CLCA1: variants seen among roughly 807,000 people sequenced by gnomAD.
The protein encoded by CLCA1 is chloride channel accessory 1, also known as calcium-activated chloride channel regulator 1.
Under a neutral mutation model 85.6 loss-of-function variants are expected in CLCA1, and 59 were observed. That is an observed-to-expected ratio of 0.69 (90% confidence interval 0.56 to 0.86). The LOEUF is 0.86. Among genes scored for constraint, CLCA1 ranks in the 40% least tolerant of loss-of-function variants. The probability of loss-of-function intolerance (pLI) is 0.00; values close to 1 mark genes in which losing one functional copy is unlikely to be tolerated. For synonymous variants in CLCA1, 396 were observed against 398.3 expected (o/e 0.99, Z 0.07); for missense variants, 1,022 against 1,101.4 (o/e 0.93, Z 1.02).
intron 3 of CLCA1, 110 bp downstream of exon 3, chr1:86,473,986 A>G: frequency 1.5e-6 from 1 of 675,370 alleles, no homozygotes. Context: ...AAACAATTAG[A>G]GATAAAACAT....
rs1374323747 is a variant in CLCA1, at chr1:86,468,978, C to A, written c.7C>A (p.Pro3Thr). ...CACAGGGAGATGTACAGCAATGGGG[C>A]CATTTAAGAGTTCTGTGTTCATCTT... MG[P>T]FKSSVFILIL... is the part of the protein sequence containing the mutation. Residue 3 changes from proline (P) to threonine (T), a missense_variant, in exon 1 of 14, where the codon CCA becomes ACA. Pro to Thr is a conservative substitution (Grantham distance 38). Transcript: ENST00000394711. The A allele has an allele frequency of 1.9e-6, 3 of 1,604,570 alleles. No homozygotes were observed. The highest frequency in any genetic ancestry group is 2.3e-5 in the South Asian group (2 of 88,712).
chr1:86,499,794 A>T lies in CLCA1; in HGVS notation c.2494A>T (p.Ile832Phe), dbSNP rs767268127. ...AGTCTTTTTGTTTAAACCAGAAAAC[A>T]TTACTTTTGAAAATGGCACAGATCT... is the stretch of plus-strand genomic sequence containing the variant. ...EEVFLFKPEN[I>F]TFENGTDLFI... The change falls in exon 14 of 14, where the codon ATT becomes TTT. Residue 832 changes from isoleucine (I) to phenylalanine (F), a missense_variant. Ile to Phe is a conservative substitution (Grantham distance 21). Coordinates refer to ENST00000394711, the MANE Select transcript of CLCA1 (RefSeq NM_001285.4). The T allele has an allele frequency of 2.5e-6, 4 of 1,614,188 alleles. No homozygotes were observed. The highest frequency in any genetic ancestry group is 2.2e-5 in the South Asian group (2 of 91,084).
Position 86,469,008 on chromosome 1 carries a change from C to A in CLCA1, c.37C>A (p.Leu13Ile), listed in dbSNP as rs750075037. 2 of 1,612,910 alleles carry A rather than the reference C, an allele frequency of 1.2e-6. No homozygotes were observed. The highest frequency in any genetic ancestry group is 1.7e-6 in the Non-Finnish European group (2 of 1,179,308). ...PFKSSVFILI[L>I]HLLEGALSNS... ...TAAGAGTTCTGTGTTCATCTTGATT[C>A]TTCACCTTCTAGAAGGGGCCCTGAG... Residue 13 changes from leucine to isoleucine, a missense_variant, in exon 1 of 14, where the codon CTT (leucine) becomes ATT (isoleucine). Physicochemically the swap from Leu to Ile is conservative, Grantham distance 5. Transcript: ENST00000394711.
At chr1:86,495,758 G>C in intron 12 of CLCA1, 83 bp downstream of exon 12, 1 of 1,268,092 alleles carries the variant, frequency 7.9e-7, no homozygotes, top group Non-Finnish European at 1.1e-6. Context: ...GGGCAGAATG[G>C]TGCATGATTA....
intron 5 of CLCA1, among the ~76,000 whole-genome samples, chr1:86,484,354 C>T (rs747177027): frequency 2.6e-5 from 4 of 152,128 alleles, no homozygotes; most frequent in African/African-American, 7.2e-5. Context: ...GAGTTTACAA[C>T]GTAGAAGACA....
At chr1:86,489,543 C>T (rs920091159) in intron 8 of CLCA1, among the ~76,000 whole-genome samples, 11 of 152,064 alleles carry the variant, frequency 7.2e-5, no homozygotes, top group Non-Finnish European at 2.9e-5. Context: ...ACAGAAAGTA[C>T]AATAAAGCAC....
intron 8 of CLCA1, among the ~76,000 whole-genome samples, chr1:86,490,926 A>G (rs1205977107): frequency 1.3e-5 from 2 of 148,284 alleles, no homozygotes. Context: ...AAAAAAATAC[A>G]AAAATTAGAC....
chr1:86,497,428 C>G (rs1230750683), intron 12 of CLCA1, among the ~76,000 whole-genome samples: 1 of 152,088 alleles, frequency 6.6e-6, no homozygotes, highest in Non-Finnish European at 1.5e-5. Flanking sequence ...CTAAGTAATG[C>G]CATGTTAGGA....
rs976170824 is a variant in CLCA1 at position 86,486,433 on chromosome 1, T to C, written c.955-93T>C. ...TAAGCTTATGGTCATTTGCTCTACATTAAGGCAGCCACTTCCAAATTCCCT... is the reference window on the plus strand; with the variant it reads ...TAAGCTTATGGTCATTTGCTCTACACTAAGGCAGCCACTTCCAAATTCCCT... On this transcript the variant is annotated intron_variant, in intron 6 of 13. Coordinates refer to ENST00000394711, the MANE Select transcript of CLCA1 (RefSeq NM_001285.4). 5 of 1,139,620 alleles carry C rather than the reference T, an allele frequency of 4.4e-6. No individual in the cohort carries two copies. In the African/African-American group the frequency reaches 6.1e-5, roughly 14 times the overall value. 70.6% of individuals were successfully genotyped at this position (1,139,620 alleles called of 1,614,324 possible). A position where few individuals can be genotyped will look rare whatever the true frequency, so the allele number is the denominator to read the frequency against.
chr1:86,476,336 T>A, intron 3 of CLCA1, 112 bp from the exon 4 acceptor site: 2 of 586,888 alleles, frequency 3.4e-6, no homozygotes, highest in Non-Finnish European at 6.2e-6. Context: ...GTCTTTAATT[T>A]AAAAAATTAA....
intron 9 of CLCA1, 81 bp from the exon 10 acceptor site, chr1:86,493,303 T>G: frequency 9.1e-7 from 1 of 1,101,172 alleles, no homozygotes; most frequent in Non-Finnish European, 1.4e-6. Context: ...AATGGCGCAC[T>G]GGGGAGACAG....
At chr1:86,495,851 G>C (rs946485046) in intron 12 of CLCA1, among the ~76,000 whole-genome samples, 176 bp downstream of exon 12, 3 of 152,162 alleles carry the variant, frequency 2.0e-5, no homozygotes, top group Non-Finnish European at 4.4e-5. Context: ...GCACATTGTG[G>C]CATGTTTAGC....
At chr1:86,481,936 T>A (rs1647833946) in intron 4 of CLCA1, among the ~76,000 whole-genome samples, 1 of 152,256 alleles carries the variant, frequency 6.6e-6, no homozygotes. Flanking sequence ...TTAGTCTGTA[T>A]TAATGCTAAC....
chr1:86,475,584 C>A (rs966539012), intron 3 of CLCA1, among the ~76,000 whole-genome samples: 1 of 152,066 alleles, frequency 6.6e-6, no homozygotes, highest in Non-Finnish European at 1.5e-5. Flanking sequence ...GAAATGCAAA[C>A]GCGGAGTACT....
intron 5 of CLCA1, among the ~76,000 whole-genome samples, chr1:86,483,049 C>A (rs535932578): frequency 1.3e-5 from 2 of 152,238 alleles, no homozygotes; most frequent in Admixed American, 1.3e-4. Context: ...TATAAAATTA[C>A]ATTTTCCTTT....
intron 1 of CLCA1, among the ~76,000 whole-genome samples, chr1:86,471,431 T>A (rs890708955): frequency 7.2e-5 from 11 of 152,146 alleles, no homozygotes; most frequent in Non-Finnish European, 1.5e-4. Flanking sequence ...AGTCTAAATA[T>A]GTATTAGGAT....
intron 12 of CLCA1, among the ~76,000 whole-genome samples, chr1:86,497,577 A>G (rs1648326672): frequency 6.6e-6 from 1 of 152,216 alleles, no homozygotes. Context: ...GGATCACTAC[A>G]AGAACTAGAT....
At chr1:86,493,701 GAGTC>G in intron 10 of CLCA1, 102 bp downstream of exon 10, 2 of 874,800 alleles carry the variant, frequency 2.3e-6, no homozygotes, top group Non-Finnish European at 3.5e-6. Context: ...GCTAAAAGGA[GAGTC>G]AGTATTGAAT....
chr1:86,494,193 A>G lies in CLCA1; in HGVS notation c.1687A>G (p.Thr563Ala), dbSNP rs1257147598. 4 of 1,614,036 alleles carry G rather than the reference A, an allele frequency of 2.5e-6. No homozygotes were observed. In the African/African-American group the frequency reaches 5.3e-5, roughly 22 times the overall value. The change falls in exon 11 of 14, where the codon ACT becomes GCT. Residue 563 changes from threonine to alanine, a missense_variant. By Grantham distance (58) the Thr-to-Ala change is moderately conservative. Transcript: ENST00000394711. ...TTACATGTGTTTTGGTCAGGTTGGC[A>G]CTTGGAAATACAGTCTGCAAGCAAG... ...LQIPGIAKVG[T>A]WKYSLQASSQ... is the part of the protein sequence containing the mutation.
Sources: gnomAD v4.1 joint callset for allele counts (sites outside exome capture counted in the v4.1 genomes callset) on GRCh38, gnomAD v4.1.1 for gene constraint, MANE v1.5 for transcripts, NCBI Gene and HGNC (gene_info 2026-07-23, HGNC 2026-07-21) for gene names.